SYNPR: variants seen among roughly 807,000 people sequenced by gnomAD.
The protein encoded by SYNPR is synaptoporin.
In SYNPR, 23 loss-of-function variants were observed where a neutral mutation model predicts 32.9. That is an observed-to-expected ratio of 0.70 (90% confidence interval 0.50 to 0.99). The LOEUF (loss-of-function observed/expected upper bound fraction) is 0.99, where lower values mean the gene tolerates loss of function less well. SYNPR is among the 50% of genes least tolerant of loss of function. The pLI, the probability that SYNPR is intolerant of heterozygous loss-of-function variation, is 0.00. For synonymous variants in SYNPR, 146 were observed against 135.9 expected (o/e 1.07, Z -0.52); for missense variants, 318 against 349.3 (o/e 0.91, Z 0.71).
chr3:63,530,990 G>A (rs1464424780), intron 3 of SYNPR, among the ~76,000 whole-genome samples: 1 of 152,012 alleles, frequency 6.6e-6, no homozygotes, highest in Non-Finnish European at 1.5e-5. Context: ...TTTGACTCCT[G>A]GGCTCTGGTC....
rs138395655 is a variant in SYNPR, at chr3:63,240,041, A to G, written n.66+11661A>G. On this transcript the variant is annotated intron_variant and non_coding_transcript_variant, in intron 1 of 4. Coordinates refer to the SYNPR transcript ENST00000478456. ...AATTCAGCTTAATTAGCCTGGGATT[A>G]TATGTGAGACAGGGGAGGTTATTTG... is the stretch of plus-strand genomic sequence containing the variant. Among the ~76,000 whole-genome samples, 192 of 152,284 alleles carry G rather than the reference A, an allele frequency of 1.3e-3. 2 individuals are homozygous for G. Among genetic ancestry groups the G allele is most frequent in the African/African-American group, 4.3e-3 (177 of 41,572 alleles).
At chr3:63,208,476 G>A in the SYNPR span, among the ~76,000 whole-genome samples, 2 of 152,118 alleles carry the variant, frequency 1.3e-5, no homozygotes, top group Admixed American at 6.5e-5. Flanking sequence ...ATTTTAAAAG[G>A]CCATCCTACC....
At chr3:63,533,306 C>A in intron 3 of SYNPR, among the ~76,000 whole-genome samples, 1 of 151,712 alleles carries the variant, frequency 6.6e-6, no homozygotes. Context: ...AATCAAATCC[C>A]TTGGAAGAGA....
intron 2 of SYNPR, among the ~76,000 whole-genome samples, chr3:63,307,456 T>C (rs2086919672): frequency 6.6e-6 from 1 of 152,012 alleles, no homozygotes; most frequent in African/African-American, 2.4e-5. Flanking sequence ...TTCCTTAATG[T>C]TTCCCCAGAA....
intron 2 of SYNPR, among the ~76,000 whole-genome samples, chr3:63,470,718 C>G (rs745434241): frequency 1.3e-5 from 2 of 152,126 alleles, no homozygotes; most frequent in Non-Finnish European, 2.9e-5. Context: ...GCCCACCTCC[C>G]CTATAAGACT....
chr3:63,244,548 C>A (rs2086271003), intron 1 of SYNPR, among the ~76,000 whole-genome samples: 1 of 152,092 alleles, frequency 6.6e-6, no homozygotes, highest in African/African-American at 2.4e-5. Context: ...ACTCATCCAA[C>A]TGCCTGTGTT....
chr3:63,547,968 CAGT>C (rs1237504802), intron 3 of SYNPR, among the ~76,000 whole-genome samples: 2 of 152,120 alleles, frequency 1.3e-5, no homozygotes, highest in Non-Finnish European at 2.9e-5. Flanking sequence ...TGGCATCCAG[CAGT>C]AGAAGTGAAA....
rs758345395 is a variant in SYNPR, at chr3:63,401,246, A to G, written c.85-79586A>G. ...AGGGAAACAACAAAGTAAGTACCCA[A>G]AAGGATAGCTGAATTTTCTTATGAG... On this transcript the variant is annotated intron_variant, in intron 2 of 5. Coordinates refer to ENST00000478300, the MANE Select transcript of SYNPR (RefSeq NM_001130003.2). Among the ~76,000 whole-genome samples, 15 of 152,302 alleles carry G rather than the reference A, an allele frequency of 9.8e-5. 1 individual carries two copies. Among genetic ancestry groups the G allele is most frequent in the Admixed American group, 9.1e-4 (14 of 15,306 alleles).
chr3:63,581,369 A>G (rs1207632512), intron 4 of SYNPR, among the ~76,000 whole-genome samples: 1 of 152,196 alleles, frequency 6.6e-6, no homozygotes, highest in Non-Finnish European at 1.5e-5. Flanking sequence ...CAAACAAAAG[A>G]AAGTTCCTGC....
At chr3:63,348,107 T>C (rs1245148793) in intron 2 of SYNPR, among the ~76,000 whole-genome samples, 2 of 152,186 alleles carry the variant, frequency 1.3e-5, no homozygotes, top group Non-Finnish European at 2.9e-5. Context: ...GAAATATCCA[T>C]TCTGTTTTCC....
At chr3:63,584,177 G>A (rs1006111107) in intron 4 of SYNPR, among the ~76,000 whole-genome samples, 2 of 152,094 alleles carry the variant, frequency 1.3e-5, no homozygotes, top group African/African-American at 4.8e-5. Flanking sequence ...TTGGCCGGCA[G>A]GAGAGCAGCC....
chr3:63,520,940 G>C lies in SYNPR; in HGVS notation c.210-35603G>C, dbSNP rs372358162. ...CTCTTTGGGGCCCCGTTTTTTGTAA[G>C]GCCAAATGTTTGCACATTTGTGTCC... On this transcript the variant is annotated intron_variant, in intron 3 of 5. Transcript: ENST00000478300. Among the ~76,000 whole-genome samples the C allele has an allele frequency of 2.8e-5, 4 of 140,768 alleles. No homozygotes were observed. In the South Asian group the frequency reaches 9.2e-4, roughly 32 times the overall value. The allele number at this position is 140,768 out of a possible 152,430, so 92.3% of individuals were successfully genotyped here.
chr3:63,526,493 A>G (rs1012387780), intron 3 of SYNPR, among the ~76,000 whole-genome samples: 1 of 152,162 alleles, frequency 6.6e-6, no homozygotes, highest in African/African-American at 2.4e-5. Context: ...TGGATGCTCA[A>G]TAAATATTTG....
chr3:63,400,068 G>A (rs1275359028), intron 2 of SYNPR, among the ~76,000 whole-genome samples: 1 of 152,168 alleles, frequency 6.6e-6, no homozygotes, highest in Non-Finnish European at 1.5e-5. Context: ...CTCAACCAGG[G>A]TTAACAGAGC....
chr3:63,282,944 G>A (rs1018873955), intron 2 of SYNPR, among the ~76,000 whole-genome samples: 11 of 152,262 alleles, frequency 7.2e-5, no homozygotes, highest in African/African-American at 2.2e-4. Flanking sequence ...GTGAGTGTGC[G>A]TGTGTGCAAT....
chr3:63,323,205 C>T lies in SYNPR; in HGVS notation c.84+44463C>T, dbSNP rs146182927. Among the ~76,000 whole-genome samples, 27 of 152,168 alleles carry T rather than the reference C, an allele frequency of 1.8e-4. No homozygotes were observed. The East Asian group carries it at 4.3e-3, about 24-fold the overall frequency. ...GCCCAACTGAGCGCTTTTGAGTCAA[C>T]AATCCTTTCTCATAAGGGCATAATA... is the stretch of plus-strand genomic sequence containing the variant. On this transcript the variant is annotated intron_variant, in intron 2 of 5. Transcript: ENST00000478300.
intron 3 of SYNPR, among the ~76,000 whole-genome samples, chr3:63,531,925 T>G (rs1178381844): frequency 6.6e-6 from 1 of 152,202 alleles, no homozygotes; most frequent in Non-Finnish European, 1.5e-5. Flanking sequence ...TACTTCTATA[T>G]GAAGGTTACG....
intron 2 of SYNPR, among the ~76,000 whole-genome samples, chr3:63,391,698 A>G (rs1004111910): frequency 3.3e-5 from 5 of 152,190 alleles, no homozygotes; most frequent in Admixed American, 2.0e-4. Context: ...TCTCATAAAA[A>G]TGAGAAAATT....
In SYNPR at chr3:63,427,145, T is replaced by TA. The variant is rs1356075632; in HGVS notation, c.85-53687_85-53686insA. 5.7e-5 allele frequency among the ~76,000 whole-genome samples: 7 copies of TA among 122,710 alleles called. No individual in the cohort carries two copies. The East Asian group carries it at 1.4e-3, about 24-fold the overall frequency. 80.5% of individuals were successfully genotyped at this position (122,710 alleles called of 152,430 possible). On this transcript the variant is annotated intron_variant, in intron 2 of 5. Transcript: ENST00000478300. ...ATATAAAATGGCATGTTCTTTATCT[T>TA]TAAAAAAAAAAAAAAGTATTACAAA...
Sources: gnomAD v4.1 joint callset for allele counts (sites outside exome capture counted in the v4.1 genomes callset) on GRCh38, gnomAD v4.1.1 for gene constraint, MANE v1.5 for transcripts, NCBI Gene and HGNC (gene_info 2026-07-23, HGNC 2026-07-21) for gene names.